The following HCRTR2 variants were observed in gnomAD, a reference collection of about 807,000 sequenced individuals.
The protein encoded by HCRTR2 is hypocretin receptor 2.
In HCRTR2, 22 loss-of-function variants were observed where a neutral mutation model predicts 49.0. That is an observed-to-expected ratio of 0.45 (90% CI 0.32 to 0.64). The LOEUF (loss-of-function observed/expected upper bound fraction) is 0.64. Among genes scored for constraint, HCRTR2 ranks in the 30% least tolerant of loss-of-function variants. HCRTR2 has a pLI of 0.04. For synonymous variants in HCRTR2, 236 were observed against 205.3 expected, an observed-to-expected ratio of 1.15 and a Z score of -1.28; for missense variants, 491 against 559.4, an observed-to-expected ratio of 0.88 and a Z score of 1.23.
chr6:55,157,633 C>G (rs986470636), intron 1 of HCRTR2, among the ~76,000 whole-genome samples: 6 of 150,752 alleles, frequency 4.0e-5, no homozygotes, highest in Non-Finnish European at 7.3e-5. Flanking sequence ...AGGGTGGTAA[C>G]CACATGGGTG....
In HCRTR2 at chr6:55,219,333, A is replaced by G. The variant is rs182108620; in HGVS notation, c.224-29306A>G. On this transcript the variant is annotated intron_variant, in intron 1 of 6. Transcript: ENST00000370862. ...TTTTAACAAATTTAAAAATACAGAA[A>G]TCATATCAAATATCTTTTCTGAACA... is the stretch of plus-strand genomic sequence containing the variant. Among the ~76,000 whole-genome samples, 8 of 152,332 alleles carry G rather than the reference A, an allele frequency of 5.3e-5. No individual in the cohort carries two copies. The East Asian group carries it at 1.5e-3, about 29-fold the overall frequency.
rs376800813 is a variant in HCRTR2, at chr6:55,249,851, GCTTGT to G, written c.402+1038_402+1042del. Among the ~76,000 whole-genome samples, 74 of 152,154 alleles carry G rather than the reference GCTTGT, an allele frequency of 4.9e-4. 1 individual carries two copies. Among genetic ancestry groups the G allele is most frequent in the African/African-American group, 1.7e-3 (69 of 41,518 alleles). The stretch of plus-strand genomic sequence containing the variant: ...GCAAATGAAATGGTGACCACTCTCT[GCTTGT>G]CTTCCCATAGCTTTCCTGCACCCTC... On this transcript the variant is annotated intron_variant, in intron 2 of 6. Transcript: ENST00000370862.
intron 1 of HCRTR2, among the ~76,000 whole-genome samples, chr6:55,177,168 A>T (rs1481419788): frequency 1.3e-5 from 2 of 152,212 alleles, no homozygotes; most frequent in East Asian, 1.9e-4. Flanking sequence ...CACAGCCCCA[A>T]GTGCTGAAAT....
At chr6:55,196,376 C>T (rs1562003378) in intron 1 of HCRTR2, among the ~76,000 whole-genome samples, 1 of 152,202 alleles carries the variant, frequency 6.6e-6, no homozygotes, top group Admixed American at 6.5e-5. Flanking sequence ...TTGGGTTTTA[C>T]ATATCACCTG....
chr6:55,194,879 T>A (rs554679894), intron 1 of HCRTR2, among the ~76,000 whole-genome samples: 1,399 of 114,554 alleles, frequency 0.012, 17 homozygotes, highest in Non-Finnish European at 0.014. Flanking sequence ...TGTATTGTTA[T>A]AAAACAACAC....
chr6:55,273,755 C>T (rs1328944009), intron 4 of HCRTR2, among the ~76,000 whole-genome samples: 1 of 74,230 alleles, frequency 1.3e-5, no homozygotes, highest in Non-Finnish European at 3.6e-5. Flanking sequence ...ACTTACCTTT[C>T]CTTCCCTGAC....
At chr6:55,283,817 C>T (rs775372278), downstream of HCRTR2, among the ~76,000 whole-genome samples, 1 of 152,096 alleles carries the variant, frequency 6.6e-6, no homozygotes, top group Non-Finnish European at 1.5e-5. Context: ...TTTTCCATTA[C>T]ACTCAGAGAA....
In HCRTR2 at chr6:55,274,657, G is replaced by A. The variant is rs141573639; in HGVS notation, c.763-2723G>A. ...GTGGTGAGAGAAGACTTGATTTTTTGAGTGGTAAGCCAACACTGCATTGCT... is the reference window on the plus strand; with the variant it reads ...GTGGTGAGAGAAGACTTGATTTTTTAAGTGGTAAGCCAACACTGCATTGCT... On this transcript the variant is annotated intron_variant, in intron 4 of 6. Coordinates refer to ENST00000370862, the MANE Select transcript of HCRTR2 (RefSeq NM_001384272.1). Among the ~76,000 whole-genome samples, 1,039 of 152,056 alleles carry A rather than the reference G, an allele frequency of 6.8e-3. 8 individuals carry two copies. The highest frequency in any genetic ancestry group is 0.031 in the Middle Eastern group (9 of 294).
intron 1 of HCRTR2, among the ~76,000 whole-genome samples, chr6:55,226,548 A>C (rs1205191778): frequency 6.6e-6 from 1 of 151,940 alleles, no homozygotes; most frequent in African/African-American, 2.4e-5. Context: ...ACCTCAGATG[A>C]TCTGCACACC....
At chr6:55,108,166 T>G (rs1275094481) in intron 1 of HCRTR2, among the ~76,000 whole-genome samples, 1 of 152,154 alleles carries the variant, frequency 6.6e-6, no homozygotes, top group Non-Finnish European at 1.5e-5. Context: ...ATCAGTGGTT[T>G]TATTCTGAAG....
intron 1 of HCRTR2, among the ~76,000 whole-genome samples, chr6:55,135,217 A>T (rs1764417535): frequency 6.6e-6 from 1 of 152,120 alleles, no homozygotes; most frequent in Non-Finnish European, 1.5e-5. Context: ...ATTAAAAATG[A>T]CTTTGAGGTC....
intron 1 of HCRTR2, among the ~76,000 whole-genome samples, chr6:55,192,084 A>G (rs1451082335): frequency 6.6e-6 from 1 of 152,176 alleles, no homozygotes; most frequent in East Asian, 1.9e-4. Context: ...CATTGCAAAT[A>G]TATCTTATAT....
intron 3 of HCRTR2, among the ~76,000 whole-genome samples, chr6:55,256,338 A>C (rs905991340): frequency 1.3e-5 from 2 of 152,138 alleles, no homozygotes; most frequent in African/African-American, 4.8e-5. Flanking sequence ...CACACCAGGG[A>C]CTGATTAAGG....
chr6:55,128,829 T>C (rs979897030), intron 1 of HCRTR2, among the ~76,000 whole-genome samples: 1 of 152,140 alleles, frequency 6.6e-6, no homozygotes, highest in Non-Finnish European at 1.5e-5. Flanking sequence ...TTTAATATAC[T>C]GTGGCACACT....
intron 1 of HCRTR2, among the ~76,000 whole-genome samples, chr6:55,112,548 C>CA (rs34704863): frequency 0.16 from 12,952 of 78,660 alleles, 733 homozygotes; most frequent in Non-Finnish European, 0.2. Flanking sequence ...ACAATAGCTG[C>CA]AAAAAAAAAA....
chr6:55,185,528 CAT>C (rs1389664868), intron 1 of HCRTR2, among the ~76,000 whole-genome samples: 3 of 152,186 alleles, frequency 2.0e-5, no homozygotes, highest in Admixed American at 1.3e-4. Flanking sequence ...ATACCTCACA[CAT>C]GTGTACACAC....
chr6:55,206,208 C>T (rs3122149), intron 1 of HCRTR2, among the ~76,000 whole-genome samples: 43,633 of 151,784 alleles, frequency 0.29, 6,972 homozygotes, highest in African/African-American at 0.43. Flanking sequence ...GGCTCAAGAG[C>T]TTTTTAATAA....
chr6:55,278,258 T>G (rs1279766949), intron 5 of HCRTR2, among the ~76,000 whole-genome samples: 1 of 152,220 alleles, frequency 6.6e-6, no homozygotes, highest in Non-Finnish European at 1.5e-5. Flanking sequence ...GAGCAGCAGA[T>G]GCAGAGGCAG....
chr6:55,234,360 T>C (rs1333940892), intron 1 of HCRTR2, among the ~76,000 whole-genome samples: 4 of 152,036 alleles, frequency 2.6e-5, no homozygotes, highest in Admixed American at 6.6e-5. Context: ...AAATGACACA[T>C]ACAATTTAAG....
Sources: allele counts gnomAD v4.1 joint callset (sites outside exome capture counted in the v4.1 genomes callset), GRCh38; gene constraint gnomAD v4.1.1; transcripts MANE v1.5; gene names NCBI Gene and HGNC (gene_info 2026-07-23, HGNC 2026-07-21).